ABTB3: variants seen among roughly 807,000 people sequenced by gnomAD.
ABTB3 encodes ankyrin repeat- and BTB/POZ domain-containing protein 3.
the ABTB3 span, chr12:107,319,461 T>C: frequency 6.2e-7 from 1 of 1,606,834 alleles, no homozygotes; most frequent in Non-Finnish European, 8.5e-7. Context: ...TCCTGGGGCC[T>C]GGCCGCGCAC....
chr12:107,531,882 G>A, the ABTB3 span, among the ~76,000 whole-genome samples: 1 of 152,122 alleles, frequency 6.6e-6, no homozygotes, highest in Non-Finnish European at 1.5e-5. Flanking sequence ...CCACTCAGAA[G>A]TCTGCAGCAT....
chr12:107,386,627 C>G, the ABTB3 span, among the ~76,000 whole-genome samples: 12 of 152,228 alleles, frequency 7.9e-5, no homozygotes, highest in Middle Eastern at 6.8e-3. Context: ...TATCTGCCAC[C>G]CATTCTGTCC....
chr12:107,360,641 A>C, the ABTB3 span, among the ~76,000 whole-genome samples: 1 of 152,352 alleles, frequency 6.6e-6, no homozygotes, highest in Admixed American at 6.5e-5. Context: ...GAAGATGCAC[A>C]GTCCTATTTA....
At chr12:107,652,830 G>A in the ABTB3 span, among the ~76,000 whole-genome samples, 22 of 152,340 alleles carry the variant, frequency 1.4e-4, 1 homozygote, top group South Asian at 4.6e-3. Context: ...TCCACGTGCT[G>A]AGCACAGGGG....
At chr12:107,600,965 T>C in the ABTB3 span, among the ~76,000 whole-genome samples, 1 of 152,126 alleles carries the variant, frequency 6.6e-6, no homozygotes, top group Non-Finnish European at 1.5e-5. Flanking sequence ...GGCTGAAGGA[T>C]GGTGGTGGGG....
At chr12:107,576,628 T>C in the ABTB3 span, among the ~76,000 whole-genome samples, 1 of 152,122 alleles carries the variant, frequency 6.6e-6, no homozygotes, top group Non-Finnish European at 1.5e-5. Flanking sequence ...GGCTGCAACA[T>C]AGGAATTTGG....
chr12:107,574,420 G>A, the ABTB3 span, among the ~76,000 whole-genome samples: 34 of 152,298 alleles, frequency 2.2e-4, no homozygotes, highest in East Asian at 7.7e-4. Flanking sequence ...ACCTGGGAGC[G>A]CATTAGAAAT....
At chr12:107,550,692 C>T in the ABTB3 span, among the ~76,000 whole-genome samples, 6 of 151,344 alleles carry the variant, frequency 4.0e-5, no homozygotes, top group East Asian at 1.9e-4. Flanking sequence ...GCGATTCTCC[C>T]GCCTCGGCTT....
the ABTB3 span, among the ~76,000 whole-genome samples, chr12:107,372,117 G>A: frequency 1.3e-5 from 2 of 152,304 alleles, no homozygotes; most frequent in East Asian, 3.9e-4. Flanking sequence ...CTTGAGAGAA[G>A]AATCTGTGTT....
At chr12:107,386,839 A>T in the ABTB3 span, among the ~76,000 whole-genome samples, 3 of 151,870 alleles carry the variant, frequency 2.0e-5, no homozygotes, top group South Asian at 2.1e-4. Flanking sequence ...GATAGGTCAC[A>T]GTGGCCTGGG....
chr12:107,452,463 C>T, the ABTB3 span, among the ~76,000 whole-genome samples: 31 of 152,002 alleles, frequency 2.0e-4, no homozygotes, highest in Admixed American at 5.9e-4. Flanking sequence ...GCCTCGGCCT[C>T]CCAAAGTGCT....
At chr12:107,374,123 C>T in the ABTB3 span, among the ~76,000 whole-genome samples, 2 of 152,278 alleles carry the variant, frequency 1.3e-5, no homozygotes, top group East Asian at 1.9e-4. Context: ...TGGGGGCAGC[C>T]GCAGCCTCCC....
At chr12:107,657,712 G>A in the ABTB3 span, 1 of 1,614,114 alleles carries the variant, frequency 6.2e-7, no homozygotes, top group African/African-American at 1.3e-5. Flanking sequence ...AAGGTTCCGT[G>A]GTATGAAACG....
At chr12:107,348,297 G>GCACACA in the ABTB3 span, among the ~76,000 whole-genome samples, 2 of 150,140 alleles carry the variant, frequency 1.3e-5, no homozygotes, top group East Asian at 2.0e-4. Flanking sequence ...ACACACACAC[G>GCACACA]CACACACACA....
the ABTB3 span, among the ~76,000 whole-genome samples, chr12:107,630,167 C>T: frequency 2.6e-5 from 4 of 152,276 alleles, no homozygotes; most frequent in Non-Finnish European, 5.9e-5. Flanking sequence ...TAGAAAGCCT[C>T]GTAAAAGGCA....
At chr12:107,642,884 C>T in the ABTB3 span, among the ~76,000 whole-genome samples, 3 of 152,028 alleles carry the variant, frequency 2.0e-5, no homozygotes, top group South Asian at 2.1e-4. Context: ...TGAGGAGCAC[C>T]GCAGCTTTTT....
chr12:107,580,484 G>A, the ABTB3 span, among the ~76,000 whole-genome samples: 1 of 152,344 alleles, frequency 6.6e-6, no homozygotes, highest in African/African-American at 2.4e-5. Context: ...AGTTTCAGGG[G>A]TGTGACCAAG....
the ABTB3 span, among the ~76,000 whole-genome samples, chr12:107,519,270 T>C: frequency 1.3e-5 from 2 of 152,168 alleles, no homozygotes; most frequent in Admixed American, 6.6e-5. Flanking sequence ...CACCTTCAGA[T>C]CTCCAGTTTT....
the ABTB3 span, among the ~76,000 whole-genome samples, chr12:107,396,245 A>G: frequency 6.6e-6 from 1 of 152,208 alleles, no homozygotes; most frequent in East Asian, 1.9e-4. Flanking sequence ...GTGAATGCAT[A>G]CAAAGCCTTG....
Sources: allele counts gnomAD v4.1 joint callset (sites outside exome capture counted in the v4.1 genomes callset), GRCh38; gene constraint gnomAD v4.1.1; transcripts MANE v1.5; gene names NCBI Gene and HGNC (gene_info 2026-07-23, HGNC 2026-07-21).